Variants in MAP2 observed in about 807,000 individuals in gnomAD.
MAP2 encodes microtubule associated protein 2, also known as microtubule-associated protein 2.
Under a neutral mutation model 137.6 loss-of-function variants are expected in MAP2, and 14 were observed. That is an observed-to-expected ratio of 0.10 (90% CI 0.07 to 0.16). MAP2 has a LOEUF of 0.16. MAP2 is among the 10% of genes least tolerant of loss of function. MAP2 has a pLI of 1.00. For synonymous variants in MAP2, 786 were observed against 782.3 expected, an observed-to-expected ratio of 1.00 and a Z score of -0.08; for missense variants, 2,088 against 2,191.5, an observed-to-expected ratio of 0.95 and a Z score of 0.94.
Position 209,694,422 on chromosome 2 carries a change from C to G in MAP2, c.2252C>G (p.Pro751Arg), listed in dbSNP as rs921628169. Residue 751 changes from proline to arginine, a missense_variant, in exon 8 of 16, where the codon CCT (proline) becomes CGT (arginine). Physicochemically the swap from Pro to Arg is moderately radical, Grantham distance 103. Coordinates refer to ENST00000682079, the MANE Select transcript of MAP2 (RefSeq NM_001375505.1). ...EGDDYLPATT[P>R]ALEKAPCFPV... is the part of the protein sequence containing the mutation. ...GATGATTACCTTCCAGCCACCACAC[C>G]TGCACTGGAGAAAGCCCCTTGCTTC... 1 of 1,614,042 alleles carries G rather than the reference C, an allele frequency of 6.2e-7. No homozygotes were observed. The highest frequency in any genetic ancestry group is 1.3e-5 in the African/African-American group (1 of 75,008).
At chr2:209,632,499 T>C (rs766601138) in intron 4 of MAP2, among the ~76,000 whole-genome samples, 1 of 152,180 alleles carries the variant, frequency 6.6e-6, no homozygotes, top group Admixed American at 6.6e-5. Flanking sequence ...TCGTGCTTAA[T>C]AGATTCTCAG....
intron 1 of MAP2, among the ~76,000 whole-genome samples, chr2:209,453,243 C>A (rs1700706537): frequency 6.6e-6 from 1 of 151,938 alleles, no homozygotes; most frequent in South Asian, 2.1e-4. Flanking sequence ...CCTGGATATT[C>A]TCTGCTTTAA....
At chr2:209,519,737 T>C (rs977106859) in intron 2 of MAP2, among the ~76,000 whole-genome samples, 1 of 152,214 alleles carries the variant, frequency 6.6e-6, no homozygotes, top group East Asian at 1.9e-4. Context: ...AAGGAAATAA[T>C]TGTTTTTTAA....
At chr2:209,506,574 A>C (rs894129180) in intron 1 of MAP2, among the ~76,000 whole-genome samples, 1 of 152,160 alleles carries the variant, frequency 6.6e-6, no homozygotes, top group Non-Finnish European at 1.5e-5. Flanking sequence ...TTTGTTTACT[A>C]TCTGTTCAAG....
At chr2:209,520,462 T>G (rs148284131) in intron 2 of MAP2, among the ~76,000 whole-genome samples, 3 of 152,210 alleles carry the variant, frequency 2.0e-5, no homozygotes, top group South Asian at 4.1e-4. Flanking sequence ...ATTCTAATAA[T>G]GACTAATAAT....
Position 209,730,322 on chromosome 2 carries a change from C to T in MAP2, c.5409C>T (p.Ile1803=), listed in dbSNP as rs979522215. Residue 1803 remains isoleucine, a synonymous_variant, in exon 16 of 16, where the codon ATC becomes ATT. Coordinates refer to ENST00000682079, the MANE Select transcript of MAP2 (RefSeq NM_001375505.1). ...RLSNVSSSGS[I]NLLESPQLAT... is the part of the protein sequence containing the mutation. ...GCAATGTCTCCTCGTCTGGAAGCAT[C>T]AACCTGCTCGAATCTCCTCAGCTTG... 1 of 1,614,138 alleles carries T rather than the reference C, an allele frequency of 6.2e-7. No individual in the cohort carries two copies. The highest frequency in any genetic ancestry group is 8.5e-7 in the Non-Finnish European group (1 of 1,180,014).
intron 7 of MAP2, among the ~76,000 whole-genome samples, chr2:209,691,406 A>G (rs2153711814): frequency 6.6e-6 from 1 of 152,212 alleles, no homozygotes; most frequent in Admixed American, 6.5e-5. Flanking sequence ...AGCCCTTCTG[A>G]TCATCCCCAT....
intron 1 of MAP2, among the ~76,000 whole-genome samples, chr2:209,452,506 A>T: frequency 6.6e-6 from 1 of 152,176 alleles, no homozygotes; most frequent in East Asian, 1.9e-4. Context: ...TGGTATCCTG[A>T]GGCATATCAT....
At chr2:209,690,690 A>T in intron 7 of MAP2, 1 of 1,289,712 alleles carries the variant, frequency 7.8e-7, no homozygotes, top group Non-Finnish European at 1.0e-6. Flanking sequence ...AAGTCCTCAG[A>T]CCAACCCAAG....
At chr2:209,576,235 AATTT>A (rs1428244714) in intron 2 of MAP2, among the ~76,000 whole-genome samples, 1 of 151,892 alleles carries the variant, frequency 6.6e-6, no homozygotes, top group South Asian at 2.1e-4. Context: ...GGTTTCTGCT[AATTT>A]ATTTATTTAT....
At chr2:209,689,098 T>C (rs2058072539) in intron 7 of MAP2, among the ~76,000 whole-genome samples, 1 of 152,130 alleles carries the variant, frequency 6.6e-6, no homozygotes, top group South Asian at 2.1e-4. Flanking sequence ...GTAAATTAAC[T>C]TGATTAGACT....
chr2:209,514,872 A>G (rs972819959), intron 2 of MAP2, among the ~76,000 whole-genome samples: 3 of 152,148 alleles, frequency 2.0e-5, no homozygotes, highest in Non-Finnish European at 4.4e-5. Flanking sequence ...TGATAGATAG[A>G]TAAATGGATA....
At chr2:209,688,940 AACCCCTAT>A (rs2058018082) in intron 7 of MAP2, among the ~76,000 whole-genome samples, 1 of 152,202 alleles carries the variant, frequency 6.6e-6, no homozygotes, top group Admixed American at 6.5e-5. Context: ...AAAGAAATAT[AACCCCTAT>A]TAAGTGAAAC....
At chr2:209,482,791 G>A (rs1021276372) in intron 1 of MAP2, among the ~76,000 whole-genome samples, 28 of 152,084 alleles carry the variant, frequency 1.8e-4, no homozygotes, top group African/African-American at 6.0e-4. Context: ...TTGAATTTTT[G>A]CCTGTTTCTG....
At chr2:209,653,529 C>T in intron 5 of MAP2, 97 bp downstream of exon 5, 4 of 1,259,476 alleles carry the variant, frequency 3.2e-6, no homozygotes, top group South Asian at 3.8e-5. Flanking sequence ...TCCTCTTTCA[C>T]TAGTGCTAGG....
At chr2:209,427,432 T>C (rs1051779042) in intron 1 of MAP2, among the ~76,000 whole-genome samples, 1 of 152,190 alleles carries the variant, frequency 6.6e-6, no homozygotes, top group African/African-American at 2.4e-5. Context: ...TATCAAGTGT[T>C]TTTGCTACTT....
At chr2:209,439,904 AC>A (rs1697334030) in intron 1 of MAP2, among the ~76,000 whole-genome samples, 1 of 151,320 alleles carries the variant, frequency 6.6e-6, no homozygotes, top group Non-Finnish European at 1.5e-5. Flanking sequence ...CATCTTACTG[AC>A]CCCTATTTAT....
At chr2:209,509,041 G>A (rs1032215182) in intron 2 of MAP2, among the ~76,000 whole-genome samples, 1 of 151,776 alleles carries the variant, frequency 6.6e-6, no homozygotes, top group African/African-American at 2.4e-5. Context: ...TCAATGCACA[G>A]AGTTAAGTTT....
Position 209,504,856 on chromosome 2 carries a change from G to C in MAP2, c.-221-2736G>C, listed in dbSNP as rs182548614. ...ATAATATGATTAAAATGAACACATA[G>C]GCAGTGTATCCACTCTGTCTTTCAT... On this transcript the variant is annotated intron_variant, in intron 1 of 15. Transcript: ENST00000682079. 6.5e-4 allele frequency among the ~76,000 whole-genome samples: 99 copies of C among 151,736 alleles called. 1 individual carries two copies. Among genetic ancestry groups the C allele is most frequent in the African/African-American group, 2.3e-3 (93 of 41,330 alleles).
Sources: gnomAD v4.1 joint callset for allele counts (sites outside exome capture counted in the v4.1 genomes callset) on GRCh38, gnomAD v4.1.1 for gene constraint, MANE v1.5 for transcripts, NCBI Gene and HGNC (gene_info 2026-07-23, HGNC 2026-07-21) for gene names.